The following SEMA3E variants were observed in gnomAD, a reference collection of about 807,000 sequenced individuals.
SEMA3E encodes the protein semaphorin-3E.
In SEMA3E, 49 loss-of-function variants were observed where a neutral mutation model predicts 93.6. That is an observed-to-expected ratio of 0.52 (90% CI 0.42 to 0.66). The LOEUF is 0.66. SEMA3E is among the 30% of genes least tolerant of loss of function. SEMA3E has a pLI of 0.00. For missense variants in SEMA3E, 906 were observed against 964.8 expected, an observed-to-expected ratio of 0.94 and a Z score of 0.81; for synonymous variants, 363 against 330.7, an observed-to-expected ratio of 1.10 and a Z score of -1.06.
rs1307625197 is a variant in SEMA3E, at chr7:83,525,953, TA to T, written c.116-35680del. On this transcript the variant is annotated intron_variant, in intron 1 of 16. Coordinates refer to ENST00000643230, the MANE Select transcript of SEMA3E (RefSeq NM_012431.3). ...TTTGCTATAGAAAGGGTTGGTAGGT[TA>T]TTTTTTTTTTTTTAGGAAGTCCAGC... Among the ~76,000 whole-genome samples, 32 of 151,848 alleles carry T rather than the reference TA, an allele frequency of 2.1e-4. 1 individual carries two copies. The highest frequency in any genetic ancestry group is 6.8e-4 in the African/African-American group (28 of 41,464).
chr7:83,405,515 G>T lies in SEMA3E; in HGVS notation c.933C>A (p.Asp311Glu). ...GIDTYFDELE[D>E]VFLLPTRDHK... Reference sequence around the variant, plus strand: ...GATCTCTGGTAGGTAGCAAAAAAACGTCCTCTGAAAAATTAAAGGCCATTC... The same window carrying T: ...GATCTCTGGTAGGTAGCAAAAAAACTTCCTCTGAAAAATTAAAGGCCATTC... The change falls in exon 9 of 17, where the codon GAC becomes GAA. Residue 311 changes from aspartate to glutamate, a missense_variant. Asp to Glu is a conservative substitution (Grantham distance 45, BLOSUM62 2). Coordinates refer to ENST00000643230, the MANE Select transcript of SEMA3E (RefSeq NM_012431.3). 1 of 1,612,602 alleles carries T rather than the reference G, an allele frequency of 6.2e-7. No individual in the cohort carries two copies. The highest frequency in any genetic ancestry group is 8.5e-7 in the Non-Finnish European group (1 of 1,179,066).
intron 9 of SEMA3E, among the ~76,000 whole-genome samples, chr7:83,405,078 G>A (rs1218426381): frequency 6.6e-6 from 1 of 151,854 alleles, no homozygotes; most frequent in Non-Finnish European, 1.5e-5. Context: ...AAAATTCTAT[G>A]TGATGAATAA....
intron 1 of SEMA3E, among the ~76,000 whole-genome samples, chr7:83,584,055 T>C (rs975640082): frequency 2.0e-5 from 3 of 152,200 alleles, no homozygotes; most frequent in African/African-American, 7.2e-5. Flanking sequence ...GTTCTTGTTT[T>C]ATCCAGTTGA....
At chr7:83,465,440 G>A (rs1392581388) in intron 4 of SEMA3E, among the ~76,000 whole-genome samples, 3 of 152,142 alleles carry the variant, frequency 2.0e-5, no homozygotes, top group Admixed American at 6.5e-5. Flanking sequence ...GTTAAAGCAC[G>A]GGCTCTCTCC....
intron 4 of SEMA3E, among the ~76,000 whole-genome samples, chr7:83,429,887 A>C (rs1788847597): frequency 6.6e-6 from 1 of 152,076 alleles, no homozygotes; most frequent in African/African-American, 2.4e-5. Flanking sequence ...TTTAAAAATG[A>C]CTTTGCTGGA....
chr7:83,416,499 T>C (rs1788542351), intron 5 of SEMA3E, among the ~76,000 whole-genome samples: 2 of 152,104 alleles, frequency 1.3e-5, no homozygotes, highest in Non-Finnish European at 2.9e-5. Context: ...TTATTAACTC[T>C]TTAAATGAAA....
intron 4 of SEMA3E, among the ~76,000 whole-genome samples, chr7:83,463,720 C>T (rs1362184841): frequency 1.4e-4 from 21 of 152,088 alleles, no homozygotes; most frequent in African/African-American, 4.6e-4. Context: ...GCCACTAGCC[C>T]GCCTCTTAGA....
chr7:83,384,076 C>T (rs558490325), intron 16 of SEMA3E, among the ~76,000 whole-genome samples: 1 of 152,058 alleles, frequency 6.6e-6, no homozygotes, highest in African/African-American at 2.4e-5. Context: ...TATATTATTT[C>T]TAATAGCCTT....
chr7:83,484,681 C>T (rs1480303901), intron 2 of SEMA3E, among the ~76,000 whole-genome samples: 1 of 152,162 alleles, frequency 6.6e-6, no homozygotes, highest in Non-Finnish European at 1.5e-5. Flanking sequence ...TGTCTTACCT[C>T]CACTAAGTTG....
intron 1 of SEMA3E, among the ~76,000 whole-genome samples, chr7:83,509,753 G>A (rs1055318217): frequency 2.6e-5 from 4 of 152,024 alleles, no homozygotes; most frequent in Admixed American, 2.0e-4. Context: ...ATCTGTCACT[G>A]GAATTTTAAA....
intron 2 of SEMA3E, among the ~76,000 whole-genome samples, chr7:83,488,563 T>C (rs984659842): frequency 1.3e-5 from 2 of 152,148 alleles, no homozygotes; most frequent in Admixed American, 6.6e-5. Flanking sequence ...TATATCCATC[T>C]ATCAGTAATG....
At chr7:83,418,908 T>C (rs1380017097) in intron 4 of SEMA3E, among the ~76,000 whole-genome samples, 1 of 152,056 alleles carries the variant, frequency 6.6e-6, no homozygotes, top group East Asian at 1.9e-4. Context: ...TAGATTTTTA[T>C]TTTTGATATA....
intron 1 of SEMA3E, among the ~76,000 whole-genome samples, chr7:83,495,195 T>C (rs1467366762): frequency 6.6e-6 from 1 of 151,932 alleles, no homozygotes; most frequent in Non-Finnish European, 1.5e-5. Context: ...TTCATTCATA[T>C]ATAGATGTTT....
intron 3 of SEMA3E, 64 bp from the exon 4 acceptor site, chr7:83,466,665 TTTTG>T: frequency 6.3e-7 from 1 of 1,597,650 alleles, no homozygotes; most frequent in Non-Finnish European, 8.5e-7. Context: ...CCTTTTTGAT[TTTTG>T]TTTTTCCTAG....
chr7:83,629,833 G>T (rs1055295547), intron 1 of SEMA3E, among the ~76,000 whole-genome samples: 10 of 152,126 alleles, frequency 6.6e-5, no homozygotes, highest in African/African-American at 2.4e-4. Context: ...CACCACTGGG[G>T]TATGAAAAAA....
Position 83,483,800 on chromosome 7 carries a change from A to G in SEMA3E, c.276+6314T>C, listed in dbSNP as rs114409921. Among the ~76,000 whole-genome samples the G allele has an allele frequency of 6.1e-3, 927 of 152,286 alleles. 12 individuals carry two copies. The highest frequency in any genetic ancestry group is 0.021 in the African/African-American group (887 of 41,560). ...TTTGGTGATGGGAGGGTGAGGATCA[A>G]CATGTTCAATGGCTCCCATTTTCTA... On this transcript the variant is annotated intron_variant, in intron 2 of 16. Transcript: ENST00000643230.
At chr7:83,639,133 A>C (rs967922469) in intron 1 of SEMA3E, among the ~76,000 whole-genome samples, 4 of 139,022 alleles carry the variant, frequency 2.9e-5, no homozygotes, top group African/African-American at 5.3e-5. Flanking sequence ...AAAAAAAAAA[A>C]AAAAAAACAG....
At chr7:83,552,111 T>A (rs1791779561) in intron 1 of SEMA3E, among the ~76,000 whole-genome samples, 1 of 152,260 alleles carries the variant, frequency 6.6e-6, no homozygotes, top group African/African-American at 2.4e-5. Context: ...TTTCATAAAC[T>A]TGCACAGATT....
intron 1 of SEMA3E, among the ~76,000 whole-genome samples, chr7:83,492,585 A>G (rs1388247473): frequency 6.6e-6 from 1 of 151,940 alleles, no homozygotes; most frequent in East Asian, 1.9e-4. Flanking sequence ...AATCTATCCT[A>G]TGAAATCACA....
Sources: gnomAD v4.1 joint callset for allele counts (sites outside exome capture counted in the v4.1 genomes callset) on GRCh38, gnomAD v4.1.1 for gene constraint, MANE v1.5 for transcripts, NCBI Gene and HGNC (gene_info 2026-07-23, HGNC 2026-07-21) for gene names.